Variants in HECW1 observed in about 807,000 individuals in gnomAD.
The protein encoded by HECW1 is HECT, C2 and WW domain containing E3 ubiquitin protein ligase 1.
In HECW1, 61 loss-of-function variants were observed where a neutral mutation model predicts 182.3. That is an observed-to-expected ratio of 0.33 (90% CI 0.27 to 0.41). The LOEUF is 0.41. Ranked by LOEUF, HECW1 falls within the 10% of genes least tolerant of loss-of-function variation. The probability of loss-of-function intolerance (pLI) is 1.00; values close to 1 mark genes in which losing one functional copy is unlikely to be tolerated. For synonymous variants in HECW1, 859 were observed against 832.6 expected (o/e 1.03, Z -0.55); for missense variants, 1,739 against 2,108.9 (o/e 0.82, Z 3.44).
chr7:43,118,583 T>C (rs1400480311), intron 2 of HECW1: 1 of 152,230 alleles, frequency 6.6e-6, no homozygotes, highest in African/African-American at 2.4e-5. Flanking sequence ...TCAGTAAGTT[T>C]TTATCCTCAA....
In HECW1 at chr7:43,323,991, A is replaced by G. The variant is rs141921893; in HGVS notation, c.460+3249A>G. Reference sequence around the variant, plus strand: ...GGAGGTTGCAGTGAGCCGAGATCGCACCATTGCACTCCAGTTTGGGCGACA... The same window carrying G: ...GGAGGTTGCAGTGAGCCGAGATCGCGCCATTGCACTCCAGTTTGGGCGACA... On this transcript the variant is annotated intron_variant, in intron 5 of 29. Coordinates refer to ENST00000395891, the MANE Select transcript of HECW1 (RefSeq NM_015052.5). Among the ~76,000 whole-genome samples the G allele has an allele frequency of 3.7e-3, 570 of 152,190 alleles. 4 individuals are homozygous for G. The highest frequency in any genetic ancestry group is 0.013 in the African/African-American group (529 of 41,480).
At chr7:43,353,603 G>A (rs1814727256) in intron 5 of HECW1, among the ~76,000 whole-genome samples, 1 of 149,688 alleles carries the variant, frequency 6.7e-6, no homozygotes, top group Non-Finnish European at 1.5e-5. Flanking sequence ...GATGGTAAGA[G>A]AATCAGACTT....
chr7:43,293,232 AAAAAG>A (rs1035516128), intron 3 of HECW1, among the ~76,000 whole-genome samples: 3 of 151,156 alleles, frequency 2.0e-5, no homozygotes, highest in Admixed American at 1.3e-4. Context: ...AAAAAAAAAA[AAAAAG>A]AAAAGAAAAG....
intron 3 of HECW1, among the ~76,000 whole-genome samples, chr7:43,261,809 C>T (rs370894030): frequency 3.3e-5 from 5 of 152,142 alleles, no homozygotes; most frequent in East Asian, 3.8e-4. Context: ...GCTTCTGTCT[C>T]ATAACAAAAG....
At chr7:43,206,240 G>A (rs1795463897) in intron 2 of HECW1, among the ~76,000 whole-genome samples, 1 of 152,140 alleles carries the variant, frequency 6.6e-6, no homozygotes, top group Non-Finnish European at 1.5e-5. Context: ...GGAGCCCTGG[G>A]AACAGACACC....
chr7:43,201,925 G>A (rs62458216), intron 2 of HECW1, among the ~76,000 whole-genome samples: 5,201 of 152,242 alleles, frequency 0.034, 157 homozygotes, highest in Admixed American at 0.086. Flanking sequence ...TATGACTTAC[G>A]ACTCTGGGGT....
chr7:43,345,929 A>G (rs1260454658), intron 5 of HECW1, among the ~76,000 whole-genome samples: 4 of 151,992 alleles, frequency 2.6e-5, no homozygotes, highest in Non-Finnish European at 5.9e-5. Flanking sequence ...CGATTTTGCA[A>G]TTGTGAATTG....
intron 2 of HECW1, among the ~76,000 whole-genome samples, chr7:43,237,322 C>G (rs375456007): frequency 1.3e-5 from 2 of 152,266 alleles, no homozygotes; most frequent in Admixed American, 6.5e-5. Flanking sequence ...CTGCCTGGAG[C>G]CCTCCTCGGC....
intron 2 of HECW1, among the ~76,000 whole-genome samples, chr7:43,125,858 C>T (rs1317092619): frequency 6.7e-6 from 1 of 149,776 alleles, no homozygotes; most frequent in Non-Finnish European, 1.5e-5. Context: ...AAGGTCTCTG[C>T]TGGATGGAGG....
intron 7 of HECW1, among the ~76,000 whole-genome samples, chr7:43,407,028 T>C (rs762466971): frequency 3.9e-5 from 6 of 152,230 alleles, no homozygotes; most frequent in Non-Finnish European, 4.4e-5. Flanking sequence ...TCTTTCTGTC[T>C]CTCTCTCCTT....
At chr7:43,267,879 CTGAAGTTA>C (rs1420130427) in intron 3 of HECW1, among the ~76,000 whole-genome samples, 1 of 152,134 alleles carries the variant, frequency 6.6e-6, no homozygotes, top group Non-Finnish European at 1.5e-5. Context: ...TTTCAAAACA[CTGAAGTTA>C]TGAACATAAC....
chr7:43,377,806 G>A (rs766539743), intron 6 of HECW1: 1 of 202,106 alleles, frequency 4.9e-6, no homozygotes. Context: ...GGATCAAAGG[G>A]AAGTCTGATC....
intron 2 of HECW1, among the ~76,000 whole-genome samples, chr7:43,204,696 G>A (rs768750110): frequency 6.6e-5 from 10 of 152,168 alleles, no homozygotes; most frequent in Admixed American, 2.6e-4. Context: ...TGAGACAAAG[G>A]TGGTATGTGC....
intron 16 of HECW1, among the ~76,000 whole-genome samples, chr7:43,476,736 G>A (rs2078231939): frequency 6.6e-6 from 1 of 152,098 alleles, no homozygotes; most frequent in Admixed American, 6.5e-5. Flanking sequence ...TGAGCTCTCT[G>A]AGAAAACTGT....
intron 13 of HECW1, among the ~76,000 whole-genome samples, chr7:43,462,876 T>G (rs2077636311): frequency 1.3e-5 from 2 of 152,102 alleles, no homozygotes; most frequent in African/African-American, 4.8e-5. Flanking sequence ...ACCTTGGGAG[T>G]CTCCTCATCT....
intron 2 of HECW1, among the ~76,000 whole-genome samples, chr7:43,151,994 T>TA (rs962820070): frequency 6.6e-6 from 1 of 151,760 alleles, no homozygotes; most frequent in Non-Finnish European, 1.5e-5. Flanking sequence ...ATCTCTAAAC[T>TA]AAAAAAAAGA....
At chr7:43,309,158 G>A (rs1808175228) in intron 3 of HECW1, among the ~76,000 whole-genome samples, 1 of 152,134 alleles carries the variant, frequency 6.6e-6, no homozygotes. Flanking sequence ...GCATCATGGA[G>A]CAGAAAGTTC....
Position 43,509,086 on chromosome 7 carries a change from C to A in HECW1, c.3984C>A (p.Ser1328Arg). The A allele has an allele frequency of 6.2e-7, 1 of 1,614,094 alleles. No individual in the cohort carries two copies. The highest frequency in any genetic ancestry group is 8.5e-7 in the Non-Finnish European group (1 of 1,179,948). The change falls in exon 24 of 30, where the codon AGC becomes AGA. Residue 1328 changes from serine (S) to arginine (R), a missense_variant. Coordinates refer to ENST00000395891, the MANE Select transcript of HECW1 (RefSeq NM_015052.5). ...SANDTYTVQI[S>R]PMSAFVENHL... ...ATGATACTTACACGGTGCAGATCAGCCCCATGTCCGCATTTGTAGAAAACC... is the reference window on the plus strand; with the variant it reads ...ATGATACTTACACGGTGCAGATCAGACCCATGTCCGCATTTGTAGAAAACC...
At chr7:43,525,859 G>A (rs34085021) in intron 24 of HECW1, among the ~76,000 whole-genome samples, 26,887 of 152,114 alleles carry the variant, frequency 0.18, 2,967 homozygotes, top group Non-Finnish European at 0.25. Context: ...AGAGGAGAGG[G>A]GAGGCTTCCT....
Sources: gnomAD v4.1 joint callset for allele counts (sites outside exome capture counted in the v4.1 genomes callset) on GRCh38, gnomAD v4.1.1 for gene constraint, MANE v1.5 for transcripts, NCBI Gene and HGNC (gene_info 2026-07-23, HGNC 2026-07-21) for gene names.